The following SEC63 variants were observed in gnomAD, a reference collection of about 807,000 sequenced individuals.
SEC63 encodes translocation protein SEC63 homolog.
A neutral mutation model predicts 116.2 loss-of-function variants in SEC63; 56 were observed. That is an observed-to-expected ratio of 0.48 (90% CI 0.39 to 0.60). The LOEUF (loss-of-function observed/expected upper bound fraction) is 0.60, where lower values mean the gene tolerates loss of function less well. Among genes scored for constraint, SEC63 ranks in the 20% least tolerant of loss-of-function variants. The pLI is 0.00. For synonymous variants in SEC63, 273 were observed against 294.6 expected (o/e 0.93, Z 0.75); for missense variants, 668 against 900.0 (o/e 0.74, Z 3.30).
At chr6:107,897,569 G>C (rs1213586724) in intron 14 of SEC63, 80 bp downstream of exon 14, 4 of 1,011,110 alleles carry the variant, frequency 4.0e-6, no homozygotes, top group Non-Finnish European at 6.3e-6. Context: ...CAACAGTTTT[G>C]ACTTTGACAA....
intron 13 of SEC63, among the ~76,000 whole-genome samples, chr6:107,899,255 T>G (rs1335522730): frequency 6.6e-6 from 1 of 152,194 alleles, no homozygotes; most frequent in Non-Finnish European, 1.5e-5. Context: ...CTTCACCAAC[T>G]ATAGCACTAT....
At chr6:107,881,291 T>C in intron 17 of SEC63, 41 bp from the exon 18 acceptor site, 2 of 1,329,218 alleles carry the variant, frequency 1.5e-6, no homozygotes, top group Non-Finnish European at 2.2e-6. Context: ...ATCTAGTATG[T>C]GTTTTATCAC....
chr6:107,897,670 C>T lies in SEC63; in HGVS notation c.1419G>A (p.Lys473=). ...TTACAGCCATTGTTTGCCTTGTCAA[C>T]TTAACCAACACTGTAACTAAGGATC... ...TVGSLVTVLV[K]LTRQTMAEVF... is the part of the protein sequence containing the mutation. The change falls in exon 14 of 21, where the codon AAG becomes AAA. Residue 473 remains lysine (K), a synonymous_variant. Coordinates refer to ENST00000369002, the MANE Select transcript of SEC63 (RefSeq NM_007214.5). 2 of 1,607,622 alleles carry T rather than the reference C, an allele frequency of 1.2e-6. No individual in the cohort carries two copies. The highest frequency in any genetic ancestry group is 4.5e-5 in the East Asian group (2 of 44,752).
At chr6:107,892,634 C>T (rs924924335) in intron 16 of SEC63, among the ~76,000 whole-genome samples, 1 of 152,106 alleles carries the variant, frequency 6.6e-6, no homozygotes, top group African/African-American at 2.4e-5. Context: ...TGTAAGGACT[C>T]TTATCCAGAA....
At chr6:107,944,360 G>A (rs1388271408) in intron 1 of SEC63, among the ~76,000 whole-genome samples, 4 of 152,160 alleles carry the variant, frequency 2.6e-5, no homozygotes, top group African/African-American at 9.7e-5. Context: ...AAGTGGAAAT[G>A]TGGGTTAAGC....
At chr6:107,936,435 A>C (rs1770244210) in intron 1 of SEC63, among the ~76,000 whole-genome samples, 1 of 152,238 alleles carries the variant, frequency 6.6e-6, no homozygotes, top group Non-Finnish European at 1.5e-5. Context: ...ACAGTTTTTT[A>C]ATAAGACACT....
chr6:107,921,455 T>G (rs1787553951), intron 4 of SEC63, among the ~76,000 whole-genome samples: 1 of 119,010 alleles, frequency 8.4e-6, no homozygotes, highest in Non-Finnish European at 1.9e-5. Context: ...AAACTATCCT[T>G]TTTTTTTTTT....
intron 16 of SEC63, among the ~76,000 whole-genome samples, chr6:107,890,206 C>A (rs1009788196): frequency 6.6e-6 from 1 of 152,024 alleles, no homozygotes; most frequent in African/African-American, 2.4e-5. Context: ...GGAGTCTAAG[C>A]CTCTTTGTAG....
chr6:107,919,035 C>G (rs997047545), intron 4 of SEC63, among the ~76,000 whole-genome samples: 1 of 150,400 alleles, frequency 6.6e-6, no homozygotes, highest in African/African-American at 2.4e-5. Context: ...CTCAGCCTCT[C>G]AAGTAGCTGG....
intron 4 of SEC63, among the ~76,000 whole-genome samples, chr6:107,920,387 C>T (rs1787526291): frequency 7.8e-6 from 1 of 128,022 alleles, no homozygotes; most frequent in African/African-American, 3.0e-5. Context: ...GATAGCGCCA[C>T]TGCAGTCCAG....
At chr6:107,943,015 A>C (rs936195037) in intron 1 of SEC63, among the ~76,000 whole-genome samples, 1 of 152,184 alleles carries the variant, frequency 6.6e-6, no homozygotes, top group South Asian at 2.1e-4. Context: ...TGGTGTTGCA[A>C]GGTTTATGGT....
intron 18 of SEC63, chr6:107,877,071 GTATA>G (rs1554231968): frequency 0.029 from 1,012 of 34,664 alleles, 21 homozygotes; most frequent in African/African-American, 0.086. Flanking sequence ...ATATGTGTGT[GTATA>G]TATATATATA....
chr6:107,953,355 C>T (rs1770618714), intron 1 of SEC63, among the ~76,000 whole-genome samples: 1 of 152,384 alleles, frequency 6.6e-6, no homozygotes, highest in South Asian at 2.1e-4. Flanking sequence ...AACAAATGTG[C>T]TTCAGAATTT....
chr6:107,876,685 AAAAAG>A, intron 18 of SEC63, 23 bp from the exon 19 acceptor site: 5 of 1,486,536 alleles, frequency 3.4e-6, no homozygotes, highest in Non-Finnish European at 3.7e-6. Context: ...AAAAAAAAAA[AAAAAG>A]AAGAGGGGTA....
chr6:107,943,255 A>C (rs185249457), intron 1 of SEC63, among the ~76,000 whole-genome samples: 132 of 152,372 alleles, frequency 8.7e-4, no homozygotes, highest in Non-Finnish European at 1.6e-3. Flanking sequence ...ATTTAATACT[A>C]CATTTCTCTC....
intron 1 of SEC63, among the ~76,000 whole-genome samples, chr6:107,937,431 AT>A (rs1770278714): frequency 6.6e-6 from 1 of 151,984 alleles, no homozygotes; most frequent in Non-Finnish European, 1.5e-5. Flanking sequence ...CGGCCACTAC[AT>A]TTTCTTTATC....
At chr6:107,941,281 A>T (rs1770369556) in intron 1 of SEC63, among the ~76,000 whole-genome samples, 1 of 152,144 alleles carries the variant, frequency 6.6e-6, no homozygotes, top group Admixed American at 6.5e-5. Context: ...GCAAGACCTC[A>T]TCACTACAAA....
intron 7 of SEC63, among the ~76,000 whole-genome samples, chr6:107,910,586 T>A (rs1296862318): frequency 2.6e-5 from 4 of 152,082 alleles, no homozygotes; most frequent in Admixed American, 2.6e-4. Context: ...GTCATACACA[T>A]GTATGTCATA....
intron 1 of SEC63, among the ~76,000 whole-genome samples, chr6:107,948,952 T>C (rs530015953): frequency 4.6e-5 from 7 of 152,324 alleles, no homozygotes; most frequent in Middle Eastern, 3.4e-3. Context: ...CTGAACTACA[T>C]TGGGATGTGG....
Sources: gnomAD v4.1 joint callset for allele counts (sites outside exome capture counted in the v4.1 genomes callset) on GRCh38, gnomAD v4.1.1 for gene constraint, MANE v1.5 for transcripts, NCBI Gene and HGNC (gene_info 2026-07-23, HGNC 2026-07-21) for gene names.